CDH12: variants seen among roughly 807,000 people sequenced by gnomAD.
CDH12 encodes cadherin 12.
A neutral mutation model predicts 74.1 loss-of-function variants in CDH12; 41 were observed. The observed-to-expected ratio is 0.55, with a 90% CI of 0.43 to 0.72. The LOEUF is 0.72. Among genes scored for constraint, CDH12 ranks in the 30% least tolerant of loss-of-function variants. The pLI, the probability that CDH12 is intolerant of heterozygous loss-of-function variation, is 0.00. For synonymous variants in CDH12, 399 were observed against 355.0 expected (o/e 1.12, Z -1.39); for missense variants, 945 against 977.2 (o/e 0.97, Z 0.44).
At chr5:22,367,463 TGTTA>T (rs1458215785) in intron 3 of CDH12, among the ~76,000 whole-genome samples, 1 of 152,176 alleles carries the variant, frequency 6.6e-6, no homozygotes, top group Non-Finnish European at 1.5e-5. Flanking sequence ...AAATATATGT[TGTTA>T]GTTGGTTATA....
At chr5:22,852,124 A>G (rs1161943901) in intron 1 of CDH12, among the ~76,000 whole-genome samples, 2 of 152,146 alleles carry the variant, frequency 1.3e-5, no homozygotes, top group African/African-American at 4.8e-5. Context: ...CAGTTTGTGA[A>G]TGAGCTTCAA....
At chr5:21,965,322 T>G (rs1756532117) in intron 6 of CDH12, among the ~76,000 whole-genome samples, 1 of 152,006 alleles carries the variant, frequency 6.6e-6, no homozygotes, top group Non-Finnish European at 1.5e-5. Flanking sequence ...AAAAAGGGTA[T>G]ATTAAAAAAA....
chr5:22,800,610 G>A (rs1207653763), intron 1 of CDH12, among the ~76,000 whole-genome samples: 2 of 152,008 alleles, frequency 1.3e-5, no homozygotes, highest in Non-Finnish European at 2.9e-5. Flanking sequence ...CATTCTATGA[G>A]TTTTGATAAA....
chr5:22,533,719 C>G (rs897090228), intron 1 of CDH12, among the ~76,000 whole-genome samples: 1 of 152,144 alleles, frequency 6.6e-6, no homozygotes, highest in Admixed American at 6.5e-5. Context: ...ATCCCAAGGG[C>G]TCTACTGAGC....
At chr5:22,600,106 T>G (rs1168183803) in intron 1 of CDH12, among the ~76,000 whole-genome samples, 2 of 152,200 alleles carry the variant, frequency 1.3e-5, no homozygotes, top group Non-Finnish European at 2.9e-5. Context: ...GTTATACCTG[T>G]GTGCTGTTGG....
intron 3 of CDH12, among the ~76,000 whole-genome samples, chr5:22,283,259 C>T (rs1357264605): frequency 4.6e-4 from 65 of 140,440 alleles, no homozygotes; most frequent in East Asian, 4.2e-3. Flanking sequence ...TATACACACA[C>T]ACACACACAC....
intron 1 of CDH12, among the ~76,000 whole-genome samples, chr5:22,811,033 A>G (rs1295413197): frequency 6.6e-6 from 1 of 151,458 alleles, no homozygotes; most frequent in Non-Finnish European, 1.5e-5. Flanking sequence ...ATGTACATAC[A>G]TAAATATATA....
chr5:22,209,987 CT>C (rs1377313840), intron 4 of CDH12, among the ~76,000 whole-genome samples: 2 of 150,404 alleles, frequency 1.3e-5, no homozygotes, highest in Non-Finnish European at 1.5e-5. Flanking sequence ...CAGATTCCAG[CT>C]TTCCTTCTGG....
At chr5:22,024,654 A>C (rs979900678) in intron 5 of CDH12, among the ~76,000 whole-genome samples, 3 of 152,142 alleles carry the variant, frequency 2.0e-5, no homozygotes, top group Non-Finnish European at 4.4e-5. Flanking sequence ...CTGGGATTAC[A>C]GGCACATGCT....
In CDH12 at chr5:22,429,703, C is replaced by T. The variant is rs866552925; in HGVS notation, c.-427-24352G>A. Among the ~76,000 whole-genome samples the T allele has an allele frequency of 5.3e-5, 8 of 152,238 alleles. No individual in the cohort carries two copies. The South Asian group carries it at 1.0e-3, about 20-fold the overall frequency. ...TAAAAAGTTGTCTGTAGAGATTACT[C>T]ATTTTTTGAAATAGTGATGTTTAAT... On this transcript the variant is annotated intron_variant, in intron 2 of 14. Transcript: ENST00000382254.
intron 7 of CDH12, 101 bp from the exon 8 acceptor site, chr5:21,842,429 T>C (rs1374823841): frequency 4.0e-6 from 3 of 749,732 alleles, no homozygotes; most frequent in Middle Eastern, 2.9e-4. Flanking sequence ...CTAGAATCAC[T>C]AACAGAGACA....
intron 5 of CDH12, among the ~76,000 whole-genome samples, chr5:22,005,015 TTTTC>T (rs1380636725): frequency 3.3e-5 from 5 of 152,134 alleles, no homozygotes; most frequent in East Asian, 1.9e-4. Flanking sequence ...ATATTTTCTT[TTTTC>T]TTTCTTTCTT....
At chr5:21,870,892 C>A (rs567483086) in intron 6 of CDH12, among the ~76,000 whole-genome samples, 1 of 152,188 alleles carries the variant, frequency 6.6e-6, no homozygotes, top group South Asian at 2.1e-4. Flanking sequence ...CTACCACACC[C>A]AGCTAATATT....
chr5:21,934,128 T>TCACA (rs367663462), intron 6 of CDH12, among the ~76,000 whole-genome samples: 3 of 150,710 alleles, frequency 2.0e-5, no homozygotes, highest in East Asian at 1.9e-4. Flanking sequence ...ACACACACAC[T>TCACA]CACACACACA....
intron 14 of CDH12, among the ~76,000 whole-genome samples, chr5:21,754,880 TGGAAGAG>T (rs1744298404): frequency 6.6e-6 from 1 of 152,210 alleles, no homozygotes; most frequent in African/African-American, 2.4e-5. Flanking sequence ...ACAGAGTTCA[TGGAAGAG>T]GGAACTTCCT....
intron 1 of CDH12, among the ~76,000 whole-genome samples, chr5:22,599,453 C>A (rs1444000181): frequency 6.6e-6 from 1 of 152,176 alleles, no homozygotes; most frequent in Non-Finnish European, 1.5e-5. Context: ...CCAGTGCATT[C>A]TTATAGTGCA....
chr5:22,008,210 A>G (rs1358801651), intron 5 of CDH12, among the ~76,000 whole-genome samples: 1 of 151,892 alleles, frequency 6.6e-6, no homozygotes, highest in Non-Finnish European at 1.5e-5. Flanking sequence ...AGCACTTAGA[A>G]TTCTGCTCAC....
At chr5:22,618,290 G>T (rs1737790743) in intron 1 of CDH12, among the ~76,000 whole-genome samples, 2 of 152,054 alleles carry the variant, frequency 1.3e-5, no homozygotes, top group African/African-American at 2.4e-5. Flanking sequence ...TACATTTTCA[G>T]GCTACTGTGG....
intron 6 of CDH12, among the ~76,000 whole-genome samples, chr5:21,916,182 A>G (rs1486747292): frequency 2.0e-5 from 3 of 152,154 alleles, no homozygotes; most frequent in Non-Finnish European, 4.4e-5. Flanking sequence ...AATTACAGCT[A>G]TGTAAGTATT....
Sources: allele counts gnomAD v4.1 joint callset (sites outside exome capture counted in the v4.1 genomes callset), GRCh38; gene constraint gnomAD v4.1.1; transcripts MANE v1.5; gene names NCBI Gene and HGNC (gene_info 2026-07-23, HGNC 2026-07-21).